ANO4: variants seen among roughly 807,000 people sequenced by gnomAD.
The protein encoded by ANO4 is anoctamin-4.
In ANO4, 69 loss-of-function variants were observed where a neutral mutation model predicts 141.9. The observed-to-expected ratio is 0.49, with a 90% CI of 0.40 to 0.59. The LOEUF (loss-of-function observed/expected upper bound fraction) is 0.59. Ranked by LOEUF, ANO4 falls within the 20% of genes least tolerant of loss-of-function variation. The pLI is 0.00. For synonymous variants in ANO4, 350 were observed against 394.3 expected (o/e 0.89, Z 1.33); for missense variants, 894 against 1,162.2 (o/e 0.77, Z 3.36).
chr12:100,777,919 A>ATTTT (rs373496240), intron 3 of ANO4, among the ~76,000 whole-genome samples: 3 of 134,908 alleles, frequency 2.2e-5, no homozygotes, highest in Non-Finnish European at 3.2e-5. Context: ...AATGCTTACA[A>ATTTT]TTTTTTTTTT....
chr12:100,731,268 T>C (rs545732760), intron 1 of ANO4, among the ~76,000 whole-genome samples: 78 of 152,358 alleles, frequency 5.1e-4, no homozygotes, highest in African/African-American at 1.8e-3. Flanking sequence ...GTTGCAACTA[T>C]TTAATATGAC....
chr12:100,966,622 C>G (rs1290473581), intron 5 of ANO4, among the ~76,000 whole-genome samples: 1 of 152,022 alleles, frequency 6.6e-6, no homozygotes, highest in Non-Finnish European at 1.5e-5. Flanking sequence ...AAGACATCTT[C>G]TCCTGGGCAT....
At chr12:100,849,627 A>G (rs1011969339) in intron 1 of ANO4, among the ~76,000 whole-genome samples, 5 of 152,148 alleles carry the variant, frequency 3.3e-5, no homozygotes, top group Admixed American at 6.5e-5. Context: ...ATATATTCCA[A>G]TTCATTTTAC....
At chr12:100,739,031 A>C (rs868017959) in intron 2 of ANO4, among the ~76,000 whole-genome samples, 4,387 of 21,258 alleles carry the variant, frequency 0.21, 203 homozygotes, top group African/African-American at 0.44. Context: ...TATATATATA[A>C]TCTCTAAATC....
At chr12:100,945,410 A>G (rs1377019663) in intron 5 of ANO4, among the ~76,000 whole-genome samples, 2 of 152,234 alleles carry the variant, frequency 1.3e-5, no homozygotes, top group African/African-American at 4.8e-5. Flanking sequence ...TTCAACTTTC[A>G]TAATAGCCCA....
chr12:101,060,916 A>G (rs1386994393), intron 14 of ANO4, among the ~76,000 whole-genome samples: 1 of 152,108 alleles, frequency 6.6e-6, no homozygotes, highest in Non-Finnish European at 1.5e-5. Context: ...ATTTGATCCT[A>G]TCGTTAGGAT....
At chr12:100,851,637 A>G (rs1019434167) in intron 1 of ANO4, among the ~76,000 whole-genome samples, 3 of 152,204 alleles carry the variant, frequency 2.0e-5, no homozygotes, top group Non-Finnish European at 2.9e-5. Flanking sequence ...CTCCTATTTT[A>G]AAAATAATTT....
intron 1 of ANO4, among the ~76,000 whole-genome samples, chr12:100,884,154 T>C (rs2135965631): frequency 6.6e-6 from 1 of 152,372 alleles, no homozygotes; most frequent in Non-Finnish European, 1.5e-5. Flanking sequence ...TTTCAAACAT[T>C]TGTTAAACCA....
intron 3 of ANO4, among the ~76,000 whole-genome samples, chr12:100,787,861 C>T (rs1194657888): frequency 6.6e-6 from 1 of 152,080 alleles, no homozygotes; most frequent in African/African-American, 2.4e-5. Flanking sequence ...AGAGGAAGTG[C>T]AAGCTTGGAG....
intron 1 of ANO4, among the ~76,000 whole-genome samples, chr12:100,878,898 A>C (rs907212663): frequency 1.3e-5 from 2 of 152,152 alleles, no homozygotes; most frequent in Non-Finnish European, 2.9e-5. Context: ...ATTTATTTCT[A>C]AGCCTTCAGA....
intron 3 of ANO4, among the ~76,000 whole-genome samples, chr12:100,751,702 C>G (rs573587129): frequency 2.1e-4 from 32 of 151,908 alleles, no homozygotes; most frequent in Admixed American, 2.1e-3. Flanking sequence ...GTGACCCAAG[C>G]AGACAAGGCT....
intron 3 of ANO4, among the ~76,000 whole-genome samples, chr12:100,782,376 A>G (rs2135583921): frequency 6.6e-6 from 1 of 152,226 alleles, no homozygotes; most frequent in African/African-American, 2.4e-5. Flanking sequence ...GGCCCTATCT[A>G]AGGTCACCTG....
intron 5 of ANO4, among the ~76,000 whole-genome samples, chr12:100,969,533 T>C (rs2043826895): frequency 6.6e-6 from 1 of 152,198 alleles, no homozygotes; most frequent in East Asian, 1.9e-4. Context: ...CCCTTGAATG[T>C]TTATAATTCA....
chr12:100,977,370 C>T (rs191575486), intron 7 of ANO4, among the ~76,000 whole-genome samples: 159 of 152,248 alleles, frequency 1.0e-3, no homozygotes, highest in African/African-American at 3.5e-3. Flanking sequence ...ATTGGCTCTA[C>T]TTCCCACACA....
intron 1 of ANO4, among the ~76,000 whole-genome samples, chr12:100,899,213 G>A (rs937028428): frequency 2.0e-5 from 3 of 152,158 alleles, no homozygotes; most frequent in Admixed American, 2.0e-4. Flanking sequence ...TGAGACCAAG[G>A]CTTAGGCTCA....
chr12:100,742,623 T>C (rs2031920324), intron 3 of ANO4, among the ~76,000 whole-genome samples: 1 of 152,208 alleles, frequency 6.6e-6, no homozygotes, highest in South Asian at 2.1e-4. Context: ...CAATTATTCA[T>C]GGATTGTGAG....
At chr12:101,087,081 T>G (rs1253632277) in intron 17 of ANO4, among the ~76,000 whole-genome samples, 1 of 152,202 alleles carries the variant, frequency 6.6e-6, no homozygotes, top group Non-Finnish European at 1.5e-5. Flanking sequence ...ATTAGTTCCC[T>G]TATTTATCCA....
intron 5 of ANO4, among the ~76,000 whole-genome samples, chr12:100,967,570 GACACACAC>G (rs3059289): frequency 0.32 from 48,388 of 149,048 alleles, 7,916 homozygotes; most frequent in East Asian, 0.41. Flanking sequence ...ATGTAAAGAG[GACACACAC>G]ACACACACAC....
chr12:100,760,697 C>G (rs888898259), intron 3 of ANO4, among the ~76,000 whole-genome samples: 1 of 152,156 alleles, frequency 6.6e-6, no homozygotes. Context: ...CTCAGAACTT[C>G]GTTTTGGTTA....
Sources: gnomAD v4.1 joint callset for allele counts (sites outside exome capture counted in the v4.1 genomes callset) on GRCh38, gnomAD v4.1.1 for gene constraint, MANE v1.5 for transcripts, NCBI Gene and HGNC (gene_info 2026-07-23, HGNC 2026-07-21) for gene names.